MAP4K5: variants seen among roughly 807,000 people sequenced by gnomAD.
MAP4K5 encodes the protein mitogen-activated protein kinase kinase kinase kinase 5, also known as MAPK/ERK kinase kinase kinase 5.
MAP4K5 carries 82 observed loss-of-function variants against 135.6 expected under a neutral mutation model. The observed-to-expected ratio is 0.60, with a 90% CI of 0.51 to 0.73. The LOEUF (loss-of-function observed/expected upper bound fraction) is 0.73. Ranked by LOEUF, MAP4K5 falls within the 30% of genes least tolerant of loss-of-function variation. The probability of loss-of-function intolerance (pLI) is 0.00; values close to 1 mark genes in which losing one functional copy is unlikely to be tolerated. For synonymous variants in MAP4K5, 347 were observed against 335.0 expected (o/e 1.04, Z -0.39); for missense variants, 907 against 1,010.9 (o/e 0.90, Z 1.39).
chr14:50,500,204 C>T (rs1185044550), intron 3 of MAP4K5, among the ~76,000 whole-genome samples: 1 of 152,144 alleles, frequency 6.6e-6, no homozygotes, highest in Non-Finnish European at 1.5e-5. Context: ...TCTCATTGAT[C>T]TTACATTCTA....
intron 32 of MAP4K5, among the ~76,000 whole-genome samples, chr14:50,422,640 T>C (rs988783057): frequency 6.6e-6 from 1 of 152,138 alleles, no homozygotes; most frequent in Non-Finnish European, 1.5e-5. Flanking sequence ...AGCTACTACA[T>C]TTTTTTCATA....
chr14:50,468,703 C>T lies in MAP4K5; in HGVS notation c.622G>A (p.Ala208Thr). Residue 208 changes from alanine (A) to threonine (T), a missense_variant, in exon 10 of 33, where the codon GCA (alanine) becomes ACA (threonine). Ala to Thr is a moderately conservative substitution (Grantham distance 58, BLOSUM62 0). Transcript: ENST00000682126. ...LCDIWAVGIT[A>T]IELGELQPPM... ...GGCTGAAGTTCTCCAAGTTCAATTG[C>T]TGTTATTCCTACTGCCCAGATATCA... 1 of 1,613,282 alleles carries T rather than the reference C, an allele frequency of 6.2e-7. No individual in the cohort carries two copies. The highest frequency in any genetic ancestry group is 8.5e-7 in the Non-Finnish European group (1 of 1,179,474).
At chr14:50,441,095 A>G (rs1450547519) in intron 21 of MAP4K5, among the ~76,000 whole-genome samples, 4 of 152,220 alleles carry the variant, frequency 2.6e-5, no homozygotes, top group Non-Finnish European at 4.4e-5. Context: ...ATAAGAATTA[A>G]TAAGTTTAAA....
chr14:50,556,738 C>A (rs1331451915), intron 1 of MAP4K5, among the ~76,000 whole-genome samples: 3 of 152,172 alleles, frequency 2.0e-5, no homozygotes, highest in South Asian at 2.1e-4. Flanking sequence ...TAAATGGAAT[C>A]ATATAATATG....
chr14:50,515,612 A>T (rs369179524), intron 2 of MAP4K5, among the ~76,000 whole-genome samples: 13 of 152,354 alleles, frequency 8.5e-5, no homozygotes, highest in East Asian at 7.7e-4. Context: ...TAGAAAAAAA[A>T]TGACAAAATC....
intron 3 of MAP4K5, among the ~76,000 whole-genome samples, chr14:50,496,961 C>T (rs535426251): frequency 3.9e-4 from 59 of 152,080 alleles, no homozygotes; most frequent in African/African-American, 1.3e-3. Context: ...TTTGCAATGG[C>T]AAAAGTTTTC....
At chr14:50,486,659 G>T (rs1035281190) in intron 3 of MAP4K5, among the ~76,000 whole-genome samples, 1 of 152,118 alleles carries the variant, frequency 6.6e-6, no homozygotes, top group Non-Finnish European at 1.5e-5. Context: ...GGCCAGGCAG[G>T]GTGGCTCACG....
chr14:50,475,765 C>T lies in MAP4K5; in HGVS notation c.469+363G>A, dbSNP rs184745271. The stretch of plus-strand genomic sequence containing the variant: ...GGTTGTAAAATACTAAATAAATATA[C>T]AGTCCATTTTTGTCATTTAACACAC... On this transcript the variant is annotated intron_variant, in intron 8 of 32. Transcript: ENST00000682126. Among the ~76,000 whole-genome samples, 4 of 152,252 alleles carry T rather than the reference C, an allele frequency of 2.6e-5. No individual in the cohort carries two copies. The East Asian group carries it at 7.7e-4, about 29-fold the overall frequency.
chr14:50,504,959 C>A (rs2037779216), intron 2 of MAP4K5, 102 bp from the exon 3 acceptor site: 1 of 667,872 alleles, frequency 1.5e-6, no homozygotes, highest in South Asian at 2.5e-5. Flanking sequence ...ATACTTTTAT[C>A]AAAACTAAAA....
chr14:50,474,165 G>A (rs2037041965), intron 9 of MAP4K5, among the ~76,000 whole-genome samples: 4 of 152,188 alleles, frequency 2.6e-5, no homozygotes, highest in African/African-American at 7.2e-5. Flanking sequence ...CACTTTGGGA[G>A]GTAGATCACT....
chr14:50,428,766 AAAAC>A lies in MAP4K5; in HGVS notation c.2234-16_2234-13del. 3.0e-6 allele frequency: 4 copies of A among 1,334,382 alleles called. No homozygotes were observed. The highest frequency in any genetic ancestry group is 1.5e-5 in the African/African-American group (1 of 66,430). The allele number at this position is 1,334,382 out of a possible 1,614,324, so 82.7% of individuals were successfully genotyped here. A position where few individuals can be genotyped will look rare whatever the true frequency, so the allele number is the denominator to read the frequency against. On this transcript the variant is annotated splice_polypyrimidine_tract_variant and intron_variant, in intron 29 of 32. Transcript: ENST00000682126. The stretch of plus-strand genomic sequence containing the variant: ...AATTTTCACAAATTCTTAAAAAAAA[AAAAC>A]AAGTCAAGACTGGACATGCAAATCT...
chr14:50,465,731 C>T (rs1265875619), intron 11 of MAP4K5, among the ~76,000 whole-genome samples: 1 of 152,164 alleles, frequency 6.6e-6, no homozygotes, highest in Admixed American at 6.5e-5. Context: ...ACTTCTTACC[C>T]AATCTGCCGA....
chr14:50,496,543 C>T (rs2037597680), intron 3 of MAP4K5, among the ~76,000 whole-genome samples: 1 of 151,856 alleles, frequency 6.6e-6, no homozygotes, highest in Admixed American at 6.6e-5. Context: ...GGATTTCATT[C>T]TGTTGCCCAT....
At chr14:50,456,701 T>C (rs2036601693) in intron 13 of MAP4K5, 107 bp from the exon 14 acceptor site, 1 of 692,910 alleles carries the variant, frequency 1.4e-6, no homozygotes, top group African/African-American at 1.8e-5. Flanking sequence ...TACTAGTAAA[T>C]TATAGGATAA....
rs531368381 is a variant in MAP4K5 at position 50,463,655 on chromosome 14, G to A, written c.819+397C>T. Among the ~76,000 whole-genome samples the A allele has an allele frequency of 3.9e-5, 6 of 152,014 alleles. No individual in the cohort carries two copies. The South Asian group carries it at 8.3e-4, about 21-fold the overall frequency. On this transcript the variant is annotated intron_variant, in intron 12 of 32. Coordinates refer to ENST00000682126, the MANE Select transcript of MAP4K5 (RefSeq NM_006575.6). ...TCCCAGCACTTTGGGAGGCTGAGGCGGGTGGATCATTTGAGGTCAGGAGTT... is the reference window on the plus strand; with the variant it reads ...TCCCAGCACTTTGGGAGGCTGAGGCAGGTGGATCATTTGAGGTCAGGAGTT...
intron 2 of MAP4K5, among the ~76,000 whole-genome samples, chr14:50,530,388 T>C (rs1022794234): frequency 1.2e-4 from 19 of 152,116 alleles, no homozygotes; most frequent in African/African-American, 2.2e-4. Flanking sequence ...AAGATCTTTA[T>C]GGGAAAAACA....
intron 2 of MAP4K5, among the ~76,000 whole-genome samples, chr14:50,531,723 G>T (rs1403651820): frequency 6.6e-6 from 1 of 152,182 alleles, no homozygotes; most frequent in Non-Finnish European, 1.5e-5. Context: ...AAGTGCAACA[G>T]CGGTTTGCAA....
At chr14:50,522,662 A>C (rs2038176136) in intron 2 of MAP4K5, among the ~76,000 whole-genome samples, 1 of 152,054 alleles carries the variant, frequency 6.6e-6, no homozygotes, top group Admixed American at 6.5e-5. Context: ...CTGTTAAGCT[A>C]TTTTTCCAAG....
At position 50,439,116 on chromosome 14, in the gene MAP4K5, C is replaced by G. The variant is rs151146178; in HGVS notation, c.1705+897G>C. On this transcript the variant is annotated intron_variant, in intron 23 of 32. Transcript: ENST00000682126. ...TATATTAAATATTCTTTTGAGGACTCCAGCTTTTTAGAAGCCATTTAACAC... is the reference window on the plus strand; with the variant it reads ...TATATTAAATATTCTTTTGAGGACTGCAGCTTTTTAGAAGCCATTTAACAC... 5.9e-5 allele frequency among the ~76,000 whole-genome samples: 9 copies of G among 151,742 alleles called. No individual in the cohort carries two copies. In the East Asian group the frequency reaches 1.7e-3, roughly 29 times the overall value.
Sources: allele counts gnomAD v4.1 joint callset (sites outside exome capture counted in the v4.1 genomes callset), GRCh38; gene constraint gnomAD v4.1.1; transcripts MANE v1.5; gene names NCBI Gene and HGNC (gene_info 2026-07-23, HGNC 2026-07-21).